Variants in PAK1 observed in about 807,000 individuals in gnomAD.
PAK1 encodes the protein serine/threonine-protein kinase PAK 1.
Under a neutral mutation model 67.4 loss-of-function variants are expected in PAK1, and 29 were observed. The ratio of observed to expected loss-of-function variants is 0.43; its 90% CI spans 0.32 to 0.59. The LOEUF (loss-of-function observed/expected upper bound fraction) is 0.59, where lower values mean the gene tolerates loss of function less well. PAK1 is among the 20% of genes least tolerant of loss of function. PAK1 has a pLI of 0.07. For synonymous variants in PAK1, 223 were observed against 237.4 expected, an observed-to-expected ratio of 0.94 and a Z score of 0.56; for missense variants, 337 against 670.7, an observed-to-expected ratio of 0.50 and a Z score of 5.50.
At chr11:77,455,874 GACTT>G (rs1403979507) in intron 1 of PAK1, 1 of 152,136 alleles carries the variant, frequency 6.6e-6, no homozygotes, top group Non-Finnish European at 1.5e-5. Flanking sequence ...GAGGAAGAAA[GACTT>G]ACATAAAGGA....
At chr11:77,517,370 A>G in the PAK1 span, among the ~76,000 whole-genome samples, 1 of 152,234 alleles carries the variant, frequency 6.6e-6, no homozygotes, top group Non-Finnish European at 1.5e-5. Flanking sequence ...GGTCTGCCCC[A>G]CTGTGTAAAA....
chr11:77,508,979 G>C, the PAK1 span, among the ~76,000 whole-genome samples: 1 of 137,570 alleles, frequency 7.3e-6, no homozygotes, highest in African/African-American at 2.6e-5. Flanking sequence ...TTTAAAATGA[G>C]CCAGCATCTG....
At chr11:77,511,858 G>T in the PAK1 span, among the ~76,000 whole-genome samples, 3 of 152,248 alleles carry the variant, frequency 2.0e-5, no homozygotes, top group South Asian at 4.1e-4. Flanking sequence ...AAAACACATT[G>T]CCCCAAATCC....
At chr11:77,355,570 G>A in intron 7 of PAK1, 98 bp downstream of exon 7, 1 of 965,622 alleles carries the variant, frequency 1.0e-6, no homozygotes, top group Non-Finnish European at 1.6e-6. Flanking sequence ...TACCAAGCAT[G>A]GCCAGCCAGC....
At chr11:77,466,475 C>T (rs879876282) in intron 1 of PAK1, among the ~76,000 whole-genome samples, 9 of 152,114 alleles carry the variant, frequency 5.9e-5, no homozygotes, top group Admixed American at 5.9e-4. Flanking sequence ...TGGTGGCACG[C>T]ACCTGTGGTC....
At chr11:77,523,600 A>G in the PAK1 span, among the ~76,000 whole-genome samples, 1 of 152,008 alleles carries the variant, frequency 6.6e-6, no homozygotes, top group Non-Finnish European at 1.5e-5. Flanking sequence ...TTGTATTTTT[A>G]GTAGAGACGG....
intron 8 of PAK1, 95 bp downstream of exon 8, chr11:77,353,441 A>G: frequency 1.2e-5 from 10 of 813,566 alleles, no homozygotes; most frequent in Non-Finnish European, 1.9e-5. Flanking sequence ...AAAGAAGAAC[A>G]AGGTTTATGA....
At chr11:77,489,601 G>A in the PAK1 span, among the ~76,000 whole-genome samples, 45 of 152,264 alleles carry the variant, frequency 3.0e-4, no homozygotes, top group East Asian at 7.1e-3. Context: ...GGCGCGCGCC[G>A]CCACGCCTGA....
chr11:77,443,831 G>A (rs1373225835), intron 1 of PAK1, among the ~76,000 whole-genome samples: 1 of 152,164 alleles, frequency 6.6e-6, no homozygotes, highest in African/African-American at 2.4e-5. Flanking sequence ...TTCAGAAGGT[G>A]AGAATTCTGA....
chr11:77,350,878 C>G (rs1945142549), intron 8 of PAK1, among the ~76,000 whole-genome samples: 1 of 152,112 alleles, frequency 6.6e-6, no homozygotes, highest in African/African-American at 2.4e-5. Flanking sequence ...TGTTATAAAG[C>G]TGGTATCTGT....
chr11:77,411,341 G>A (rs1466231231), intron 1 of PAK1, among the ~76,000 whole-genome samples: 2 of 152,008 alleles, frequency 1.3e-5, no homozygotes, highest in African/African-American at 4.8e-5. Flanking sequence ...CACAGAGGAT[G>A]TCTGAATAGG....
chr11:77,331,757 C>G (rs756236087), intron 14 of PAK1, among the ~76,000 whole-genome samples: 1 of 120,092 alleles, frequency 8.3e-6, no homozygotes, highest in Non-Finnish European at 1.7e-5. Context: ...GCACGTTGTG[C>G]ACATGTACCC....
At chr11:77,357,109 G>C (rs2602472) in intron 6 of PAK1, among the ~76,000 whole-genome samples, 47,641 of 152,024 alleles carry the variant, frequency 0.31, 7,868 homozygotes, top group South Asian at 0.51. Context: ...ACTGGATCCT[G>C]AAGGACGGAT....
chr11:77,345,418 A>T lies in PAK1; in HGVS notation c.886-1487T>A, dbSNP rs115017724. The stretch of plus-strand genomic sequence containing the variant: ...TTTTCTAAGTGTTCATTCTCTAGAG[A>T]TATTTTTCCTTTTTCCTGCTTAGTG... On this transcript the variant is annotated intron_variant, in intron 9 of 14. Transcript: ENST00000356341. 3.7e-3 allele frequency among the ~76,000 whole-genome samples: 563 copies of T among 152,298 alleles called. 6 individuals are homozygous for T. The highest frequency in any genetic ancestry group is 0.013 in the African/African-American group (524 of 41,562).
chr11:77,416,749 C>T (rs569471498), intron 1 of PAK1, among the ~76,000 whole-genome samples: 53 of 152,266 alleles, frequency 3.5e-4, no homozygotes, highest in Admixed American at 2.5e-3. Flanking sequence ...GTCAGGAGAT[C>T]AAGACCATCC....
Position 77,347,389 on chromosome 11 carries a change from G to T in PAK1, c.885+1850C>A, listed in dbSNP as rs114701465. Among the ~76,000 whole-genome samples, 1,215 of 152,220 alleles carry T rather than the reference G, an allele frequency of 8.0e-3. 21 individuals are homozygous for T. Among genetic ancestry groups the T allele is most frequent in the African/African-American group, 0.028 (1,168 of 41,526 alleles). ...GTCAAAGATTCTAATCCAGTCCCTG[G>T]TAATTGCTGACAGTACAACTTTGCA... On this transcript the variant is annotated intron_variant, in intron 9 of 14. Transcript: ENST00000356341.
the PAK1 span, among the ~76,000 whole-genome samples, chr11:77,509,424 A>C: frequency 4.6e-5 from 7 of 152,244 alleles, no homozygotes; most frequent in Non-Finnish European, 8.8e-5. Flanking sequence ...TTCATAAACA[A>C]ACACTGGGCT....
At chr11:77,408,947 C>A (rs1258426002) in intron 1 of PAK1, among the ~76,000 whole-genome samples, 1 of 152,058 alleles carries the variant, frequency 6.6e-6, no homozygotes, top group Non-Finnish European at 1.5e-5. Context: ...TCATCTCACT[C>A]CAGTTAAAAT....
At chr11:77,491,789 C>G in the PAK1 span, among the ~76,000 whole-genome samples, 11 of 151,990 alleles carry the variant, frequency 7.2e-5, no homozygotes, top group African/African-American at 2.7e-4. Flanking sequence ...GAGAAGACCA[C>G]AAAACAACCA....
Sources: allele counts gnomAD v4.1 joint callset (sites outside exome capture counted in the v4.1 genomes callset), GRCh38; gene constraint gnomAD v4.1.1; transcripts MANE v1.5; gene names NCBI Gene and HGNC (gene_info 2026-07-23, HGNC 2026-07-21).